Variants in ASH1L observed in about 807,000 individuals in gnomAD.
ASH1L encodes the protein histone-lysine N-methyltransferase ASH1L.
ASH1L carries 23 observed loss-of-function variants against 269.0 expected under a neutral mutation model. The observed-to-expected ratio is 0.09, with a 90% confidence interval of 0.06 to 0.12. ASH1L has a LOEUF of 0.12. Ranked by LOEUF, ASH1L falls within the 10% of genes least tolerant of loss-of-function variation. ASH1L has a pLI of 1.00. For synonymous variants in ASH1L, 1,187 were observed against 1,253.5 expected (o/e 0.95, Z 1.12); for missense variants, 2,912 against 3,567.8 (o/e 0.82, Z 4.68).
At chr1:155,490,614 TCACACACACACACACA>T (rs144278501) in intron 2 of ASH1L, among the ~76,000 whole-genome samples, 1 of 142,310 alleles carries the variant, frequency 7.0e-6, no homozygotes, top group Non-Finnish European at 1.5e-5. Context: ...CCAGACTACG[TCACACACACACACACA>T]CACACACACA....
At chr1:155,539,436 T>C (rs72995174) in intron 1 of ASH1L, among the ~76,000 whole-genome samples, 1 of 112,622 alleles carries the variant, frequency 8.9e-6, no homozygotes, top group East Asian at 2.2e-4. Context: ...GAAAGGTGTT[T>C]TATTTTATAT....
intron 2 of ASH1L, among the ~76,000 whole-genome samples, chr1:155,512,501 G>A (rs940769297): frequency 2.7e-5 from 4 of 147,840 alleles, no homozygotes; most frequent in African/African-American, 1.0e-4. Flanking sequence ...ACTCAGGCAG[G>A]GGTGCAGTAG....
At chr1:155,455,629 G>A (rs1319472944) in intron 4 of ASH1L, among the ~76,000 whole-genome samples, 3 of 152,130 alleles carry the variant, frequency 2.0e-5, no homozygotes, top group Non-Finnish European at 4.4e-5. Flanking sequence ...CATTCCCTGT[G>A]TTGCTACAAT....
intron 1 of ASH1L, among the ~76,000 whole-genome samples, chr1:155,527,540 T>G (rs1177745553): frequency 6.7e-6 from 1 of 148,440 alleles, no homozygotes; most frequent in Admixed American, 6.7e-5. Flanking sequence ...CCTTTTTTTT[T>G]TTTTTTTTTT....
chr1:155,558,394 C>T (rs1238338628), intron 1 of ASH1L, among the ~76,000 whole-genome samples: 1 of 151,994 alleles, frequency 6.6e-6, no homozygotes, highest in Non-Finnish European at 1.5e-5. Flanking sequence ...TCCCTTGAAC[C>T]CAGGAGGCAG....
intron 2 of ASH1L, among the ~76,000 whole-genome samples, chr1:155,503,800 C>G (rs1310601701): frequency 1.3e-5 from 2 of 152,224 alleles, no homozygotes; most frequent in Non-Finnish European, 2.9e-5. Flanking sequence ...ACACAACTTA[C>G]TGCAGCCTCG....
At chr1:155,437,550 C>A (rs1300785439) in intron 5 of ASH1L, among the ~76,000 whole-genome samples, 3 of 152,066 alleles carry the variant, frequency 2.0e-5, no homozygotes, top group Admixed American at 1.3e-4. Flanking sequence ...TATGGCAGTT[C>A]CTCAAAAAAT....
At chr1:155,541,015 C>A (rs570726009) in intron 1 of ASH1L, among the ~76,000 whole-genome samples, 1 of 152,000 alleles carries the variant, frequency 6.6e-6, no homozygotes, top group Non-Finnish European at 1.5e-5. Context: ...GAGGCTGAGG[C>A]GGGAGGATGG....
chr1:155,442,039 T>C (rs1662622135), intron 4 of ASH1L, among the ~76,000 whole-genome samples: 3 of 151,994 alleles, frequency 2.0e-5, no homozygotes, highest in African/African-American at 7.3e-5. Flanking sequence ...AGTGTTGGGA[T>C]TATAGGTATG....
At chr1:155,402,574 G>A (rs1205485433) in intron 6 of ASH1L, among the ~76,000 whole-genome samples, 1 of 152,092 alleles carries the variant, frequency 6.6e-6, no homozygotes, top group Admixed American at 6.6e-5. Context: ...TTTAAAGACA[G>A]GGCCTTGTTC....
chr1:155,442,279 G>C (rs1046193387), intron 4 of ASH1L, among the ~76,000 whole-genome samples: 1 of 151,710 alleles, frequency 6.6e-6, no homozygotes, highest in African/African-American at 2.4e-5. Context: ...ACAGCAGCCT[G>C]AGTGATCTTT....
intron 5 of ASH1L, among the ~76,000 whole-genome samples, chr1:155,421,288 T>A (rs1660653191): frequency 7.1e-6 from 1 of 141,212 alleles, no homozygotes; most frequent in Non-Finnish European, 1.5e-5. Flanking sequence ...AACTGATCTA[T>A]AGATCTAACA....
chr1:155,448,257 C>T (rs1663179765), intron 4 of ASH1L, among the ~76,000 whole-genome samples: 1 of 152,204 alleles, frequency 6.6e-6, no homozygotes, highest in Non-Finnish European at 1.5e-5. Flanking sequence ...AGCTCTGTAG[C>T]ATAACTGAAG....
chr1:155,364,151 C>T (rs987403739), intron 12 of ASH1L, among the ~76,000 whole-genome samples: 3 of 151,966 alleles, frequency 2.0e-5, no homozygotes, highest in African/African-American at 7.3e-5. Context: ...AAAAATTAGC[C>T]GGGCAGGGTG....
intron 4 of ASH1L, among the ~76,000 whole-genome samples, chr1:155,444,684 T>G (rs944762977): frequency 6.6e-6 from 1 of 152,002 alleles, no homozygotes; most frequent in Non-Finnish European, 1.5e-5. Context: ...GGTGCAATCT[T>G]GGCTCACTGC....
At position 155,489,766 on chromosome 1, in the gene ASH1L, T is replaced by A. The variant is rs11486139; in HGVS notation, c.421-7317A>T. Among the ~76,000 whole-genome samples the A allele has an allele frequency of 5.8e-4, 86 of 147,162 alleles. No individual in the cohort carries two copies. The East Asian group carries it at 0.015, about 25-fold the overall frequency. On this transcript the variant is annotated intron_variant, in intron 2 of 27. Coordinates refer to ENST00000392403, the MANE Select transcript of ASH1L (RefSeq NM_018489.3). ...GAGGGAGACACTGTCTCAAAAAAAA[T>A]AAATAAATAAATGGGGAGACACTGT... is the stretch of plus-strand genomic sequence containing the variant.
rs772062408 is a variant in ASH1L, at chr1:155,479,337, G to A, written c.3533C>T (p.Thr1178Ile). ...GGAAGGAGTAGCTTCTTTTAGAGAT[G>A]TGAGTTCACTCAAGTGCGAAGGAGA... ...PNSPSHLSEL[T>I]SLKEATPSPI... Residue 1178 changes from threonine to isoleucine, a missense_variant, in exon 3 of 28, where the codon ACA (threonine) becomes ATA (isoleucine). Thr to Ile is a moderately conservative substitution (Grantham distance 89). Transcript: ENST00000392403. 7 of 1,614,144 alleles carry A rather than the reference G, an allele frequency of 4.3e-6. No individual in the cohort carries two copies. The highest frequency in any genetic ancestry group is 5.9e-6 in the Non-Finnish European group (7 of 1,180,012).
chr1:155,364,536 G>GT (rs1288044279), intron 12 of ASH1L, among the ~76,000 whole-genome samples: 3 of 152,080 alleles, frequency 2.0e-5, no homozygotes, highest in Admixed American at 6.6e-5. Flanking sequence ...TTCCAATTTA[G>GT]TTTAATATTT....
In ASH1L at chr1:155,438,942, A is replaced by C. The variant is rs1662325813; in HGVS notation, c.5213T>G (p.Ile1738Ser). ...AGAAGGTGGTGCAGAGGCAGTTGCA[A>C]TCACAGCATCAATACTTTTCTCCAT... is the stretch of plus-strand genomic sequence containing the variant. ...EPMEKSIDAV[I>S]ATASAPPSSS... Residue 1738 changes from isoleucine (I) to serine (S), a missense_variant, in exon 5 of 28, where the codon ATT becomes AGT. Physicochemically the swap from Ile to Ser is moderately radical, Grantham distance 142. Coordinates refer to ENST00000392403, the MANE Select transcript of ASH1L (RefSeq NM_018489.3). 2 of 1,614,050 alleles carry C rather than the reference A, an allele frequency of 1.2e-6. No homozygotes were observed. Among genetic ancestry groups the C allele is most frequent in the South Asian group, 2.2e-5 (2 of 91,078 alleles).
Sources: gnomAD v4.1 joint callset for allele counts (sites outside exome capture counted in the v4.1 genomes callset) on GRCh38, gnomAD v4.1.1 for gene constraint, MANE v1.5 for transcripts, NCBI Gene and HGNC (gene_info 2026-07-23, HGNC 2026-07-21) for gene names.